ATP11B: variants seen among roughly 807,000 people sequenced by gnomAD.
ATP11B encodes the protein ATPase phospholipid transporting 11B (putative), also known as phospholipid-transporting ATPase IF.
In ATP11B, 81 loss-of-function variants were observed where a neutral mutation model predicts 157.8. The ratio of observed to expected loss-of-function variants is 0.51; its 90% CI spans 0.43 to 0.62. The LOEUF is 0.62. Ranked by LOEUF, ATP11B falls within the 20% of genes least tolerant of loss-of-function variation. The pLI, the probability that ATP11B is intolerant of heterozygous loss-of-function variation, is 0.00. For missense variants in ATP11B, 1,165 were observed against 1,402.2 expected (o/e 0.83, Z 2.70); for synonymous variants, 451 against 469.4 (o/e 0.96, Z 0.51).
chr3:182,879,012 C>T (rs1374938511), intron 19 of ATP11B, among the ~76,000 whole-genome samples: 1 of 152,174 alleles, frequency 6.6e-6, no homozygotes, highest in Non-Finnish European at 1.5e-5. Context: ...GCGGCTCACA[C>T]CTGTAATCCC....
At chr3:182,852,090 A>G (rs9847655) in intron 10 of ATP11B, among the ~76,000 whole-genome samples, 5,303 of 152,310 alleles carry the variant, frequency 0.035, 315 homozygotes, top group African/African-American at 0.12. Flanking sequence ...ATGTTCTTTG[A>G]CAATGAGGGA....
chr3:182,874,120 T>G, intron 19 of ATP11B, 105 bp downstream of exon 19: 1 of 953,728 alleles, frequency 1.0e-6, no homozygotes, highest in Non-Finnish European at 1.5e-6. Flanking sequence ...TTACAGCCTA[T>G]CAGCTAAAAG....
chr3:182,915,602 C>A (rs1052823075), intron 29 of ATP11B: 12 of 969,012 alleles, frequency 1.2e-5, no homozygotes, highest in Non-Finnish European at 1.5e-5. Flanking sequence ...TGACAATATA[C>A]GTTTTTGTTA....
At chr3:182,845,582 CT>C in intron 9 of ATP11B, 60 bp downstream of exon 9, 1 of 1,068,814 alleles carries the variant, frequency 9.4e-7, no homozygotes, top group South Asian at 1.7e-5. Context: ...ATATGAAGTA[CT>C]TTTAAAAGTA....
intron 1 of ATP11B, among the ~76,000 whole-genome samples, chr3:182,797,634 G>A (rs1715706381): frequency 6.6e-6 from 1 of 152,048 alleles, no homozygotes; most frequent in Admixed American, 6.6e-5. Flanking sequence ...CTTGAACGTG[G>A]GAGGCAAAGG....
chr3:182,898,581 AT>A, intron 27 of ATP11B, 25 bp from the exon 28 acceptor site: 1 of 1,563,792 alleles, frequency 6.4e-7, no homozygotes, highest in Non-Finnish European at 8.6e-7. Context: ...TTCCACTTTT[AT>A]TAAGCACATT....
intron 19 of ATP11B, among the ~76,000 whole-genome samples, chr3:182,879,052 C>T (rs1437159555): frequency 2.0e-5 from 3 of 152,076 alleles, no homozygotes; most frequent in East Asian, 1.9e-4. Context: ...ACAGGCAGAT[C>T]GCTTGAGGTC....
At chr3:182,854,988 G>A (rs554304648) in intron 10 of ATP11B, among the ~76,000 whole-genome samples, 1 of 152,284 alleles carries the variant, frequency 6.6e-6, no homozygotes, top group South Asian at 2.1e-4. Context: ...AAAGATGCCA[G>A]ATTTCCCAAA....
intron 7 of ATP11B, 61 bp downstream of exon 7, chr3:182,837,235 A>G: frequency 8.3e-7 from 1 of 1,200,990 alleles, no homozygotes; most frequent in Non-Finnish European, 1.2e-6. Flanking sequence ...ATTTTTAAAT[A>G]ACCATAAACA....
In ATP11B at chr3:182,803,724, A is replaced by G. The variant is rs141318144; in HGVS notation, c.27+9938A>G. The stretch of plus-strand genomic sequence containing the variant: ...TTCTCCCGTATAGAAAGTTGTGTCA[A>G]TGCTGTTTATTGAATGAGGCATCCT... On this transcript the variant is annotated intron_variant, in intron 1 of 29. Coordinates refer to ENST00000323116, the MANE Select transcript of ATP11B (RefSeq NM_014616.3). Among the ~76,000 whole-genome samples, 353 of 152,332 alleles carry G rather than the reference A, an allele frequency of 2.3e-3. 3 individuals are homozygous for G. The highest frequency in any genetic ancestry group is 0.01 in the Middle Eastern group (3 of 294).
At chr3:182,832,415 A>G (rs1345556111) in intron 4 of ATP11B, among the ~76,000 whole-genome samples, 2 of 152,218 alleles carry the variant, frequency 1.3e-5, no homozygotes, top group African/African-American at 2.4e-5. Flanking sequence ...CTCTTTTGCA[A>G]CAACTATTCC....
At chr3:182,889,713 T>G (rs1182508547) in intron 25 of ATP11B, among the ~76,000 whole-genome samples, 165 bp downstream of exon 25, 3 of 152,180 alleles carry the variant, frequency 2.0e-5, no homozygotes, top group Admixed American at 1.3e-4. Flanking sequence ...TTCATACAAG[T>G]GAAAATTGAC....
chr3:182,841,609 A>C (rs754419214), intron 7 of ATP11B, among the ~76,000 whole-genome samples: 27 of 152,308 alleles, frequency 1.8e-4, no homozygotes, highest in South Asian at 6.2e-4. Flanking sequence ...AGGACTGATA[A>C]GTGTTTTTAA....
chr3:182,827,295 G>A (rs1717789135), intron 2 of ATP11B, among the ~76,000 whole-genome samples: 1 of 151,996 alleles, frequency 6.6e-6, no homozygotes, highest in South Asian at 2.1e-4. Flanking sequence ...ATAATAATAA[G>A]CACTTTTATA....
At chr3:182,852,956 T>G (rs542522350) in intron 10 of ATP11B, among the ~76,000 whole-genome samples, 64 of 152,318 alleles carry the variant, frequency 4.2e-4, no homozygotes, top group African/African-American at 1.5e-3. Flanking sequence ...AGAGAAAATG[T>G]CTGCAAAGCA....
intron 19 of ATP11B, among the ~76,000 whole-genome samples, chr3:182,878,274 T>G (rs754462651): frequency 6.6e-6 from 1 of 152,224 alleles, no homozygotes; most frequent in South Asian, 2.1e-4. Context: ...TCTATCAATA[T>G]ATGTTTAGCT....
rs774378128 is a variant in ATP11B at position 182,866,302 on chromosome 3, G to A, written c.1478G>A (p.Ser493Asn). 1.3e-5 allele frequency: 21 copies of A among 1,600,386 alleles called. 2 individuals carry two copies. In the South Asian group the frequency reaches 2.3e-4, roughly 17 times the overall value. Residue 493 changes from serine (S) to asparagine (N), a missense_variant, in exon 14 of 30, where the codon AGT (serine) becomes AAT (asparagine). Ser to Asn is a conservative substitution (Grantham distance 46, BLOSUM62 1). Transcript: ENST00000323116. ...CATGATCTCTTCTTTAAAGCAGTCA[G>A]TCTCTGTCACACTGTACAGATTAGC... is the stretch of plus-strand genomic sequence containing the variant. ...KEHDLFFKAV[S>N]LCHTVQISNV...
chr3:182,820,607 T>C (rs1161470318), intron 2 of ATP11B, among the ~76,000 whole-genome samples: 1 of 151,960 alleles, frequency 6.6e-6, no homozygotes, highest in Non-Finnish European at 1.5e-5. Flanking sequence ...AAGTCGAGGG[T>C]GCAGTGAGCT....
chr3:182,813,067 A>G (rs529315252), intron 1 of ATP11B, among the ~76,000 whole-genome samples: 6 of 152,334 alleles, frequency 3.9e-5, no homozygotes, highest in South Asian at 2.1e-4. Context: ...TTAATGCTGT[A>G]TAATATTTCA....
Sources: gnomAD v4.1 joint callset for allele counts (sites outside exome capture counted in the v4.1 genomes callset) on GRCh38, gnomAD v4.1.1 for gene constraint, MANE v1.5 for transcripts, NCBI Gene and HGNC (gene_info 2026-07-23, HGNC 2026-07-21) for gene names.